Variants in ROBO1 observed in about 807,000 individuals in gnomAD.
The protein encoded by ROBO1 is roundabout homolog 1.
ROBO1 carries 149 observed loss-of-function variants against 195.9 expected under a neutral mutation model. The observed-to-expected ratio is 0.76, with a 90% CI of 0.67 to 0.87. The LOEUF (loss-of-function observed/expected upper bound fraction) is 0.87, where lower values mean the gene tolerates loss of function less well. Among genes scored for constraint, ROBO1 ranks in the 40% least tolerant of loss-of-function variants. The pLI is 0.00. For missense variants in ROBO1, 1,933 were observed against 2,068.3 expected (o/e 0.93, Z 1.27); for synonymous variants, 816 against 733.2 (o/e 1.11, Z -1.82).
At chr3:79,240,609 AT>A (rs1346736398) in intron 2 of ROBO1, among the ~76,000 whole-genome samples, 5 of 152,080 alleles carry the variant, frequency 3.3e-5, no homozygotes, top group African/African-American at 1.2e-4. Flanking sequence ...AAACATTTGT[AT>A]TGCTACCACT....
At position 78,917,166 on chromosome 3, in the gene ROBO1, G is replaced by A. The variant is rs754268485; in HGVS notation, c.499+21435C>T. 1.5e-4 allele frequency among the ~76,000 whole-genome samples: 20 copies of A among 137,156 alleles called. 1 individual carries two copies. Among genetic ancestry groups the A allele is most frequent in the East Asian group, 4.4e-4 (2 of 4,504 alleles). 90.0% of individuals were successfully genotyped at this position (137,156 alleles called of 152,430 possible). On this transcript the variant is annotated intron_variant, in intron 4 of 30. Transcript: ENST00000464233. Reference sequence around the variant, plus strand: ...GGCTGGAGTGCAGAGGCACAATCTCGGCTCATTGCAACCTCTGCCTCCCGG... The same window carrying A: ...GGCTGGAGTGCAGAGGCACAATCTCAGCTCATTGCAACCTCTGCCTCCCGG...
intron 2 of ROBO1, among the ~76,000 whole-genome samples, chr3:79,335,526 TC>T (rs2034630221): frequency 6.6e-6 from 1 of 152,200 alleles, no homozygotes; most frequent in African/African-American, 2.4e-5. Context: ...CTCTCACTTC[TC>T]TCTCCTACCA....
chr3:79,480,103 C>G (rs1025472368), intron 2 of ROBO1, among the ~76,000 whole-genome samples: 2 of 152,164 alleles, frequency 1.3e-5, no homozygotes, highest in African/African-American at 4.8e-5. Flanking sequence ...AACTGATCTT[C>G]ATAGTCAGTG....
At chr3:79,762,534 G>A (rs1427129940) in intron 1 of ROBO1, among the ~76,000 whole-genome samples, 1 of 149,592 alleles carries the variant, frequency 6.7e-6, no homozygotes, top group Non-Finnish European at 1.5e-5. Flanking sequence ...CAGAAGAAGT[G>A]ACACTTGTTT....
intron 10 of ROBO1, among the ~76,000 whole-genome samples, chr3:78,682,509 A>G (rs1315099555): frequency 6.8e-6 from 1 of 148,080 alleles, no homozygotes; most frequent in Non-Finnish European, 1.5e-5. Context: ...ATATGTATAT[A>G]TGACTGTGTA....
At chr3:79,180,938 T>C (rs2081330241) in intron 2 of ROBO1, among the ~76,000 whole-genome samples, 1 of 152,126 alleles carries the variant, frequency 6.6e-6, no homozygotes, top group African/African-American at 2.4e-5. Context: ...CATCCCGGGG[T>C]GTCCTATGGT....
rs1026569891 is a variant in ROBO1 at position 79,711,949 on chromosome 3, C to A, written c.-51+55803G>T. 2.0e-5 allele frequency among the ~76,000 whole-genome samples: 3 copies of A among 151,826 alleles called. No individual in the cohort carries two copies. The East Asian group carries it at 5.8e-4, about 29-fold the overall frequency. ...CGGGTGGGTGGGGGAGCACTATGAA[C>A]TTTGCCCGTATAGGACAGGAAGCTT... On this transcript the variant is annotated intron_variant, in intron 1 of 30. Coordinates refer to ENST00000464233, the MANE Select transcript of ROBO1 (RefSeq NM_002941.4).
At chr3:79,121,882 A>G (rs1231584178) in intron 3 of ROBO1, among the ~76,000 whole-genome samples, 1 of 152,046 alleles carries the variant, frequency 6.6e-6, no homozygotes, top group Non-Finnish European at 1.5e-5. Flanking sequence ...GTAGGATTTC[A>G]TTAGCACCCA....
intron 2 of ROBO1, among the ~76,000 whole-genome samples, chr3:79,357,666 G>A (rs1020301614): frequency 5.9e-5 from 9 of 152,048 alleles, no homozygotes; most frequent in Non-Finnish European, 1.0e-4. Flanking sequence ...GAATTTCCCT[G>A]AGGACAAGGT....
At chr3:79,421,947 C>T (rs958757635) in intron 2 of ROBO1, among the ~76,000 whole-genome samples, 4 of 151,722 alleles carry the variant, frequency 2.6e-5, no homozygotes, top group South Asian at 2.1e-4. Flanking sequence ...TATTTGTTCC[C>T]GAGTCCAAGT....
chr3:79,200,661 G>T (rs2081745895), intron 2 of ROBO1, among the ~76,000 whole-genome samples: 1 of 151,770 alleles, frequency 6.6e-6, no homozygotes, highest in Non-Finnish European at 1.5e-5. Context: ...ACACAAAAAT[G>T]TGGATGTGCA....
chr3:78,662,203 C>CAACTCTCAGTAAAG, intron 14 of ROBO1, 89 bp from the exon 15 acceptor site: 5 of 1,140,136 alleles, frequency 4.4e-6, no homozygotes, highest in Non-Finnish European at 6.0e-6. Flanking sequence ...TCATTCATAG[C>CAACTCTCAGTAAAG]AACTCTCAGT....
At chr3:79,569,769 T>C (rs1446519497) in intron 2 of ROBO1, among the ~76,000 whole-genome samples, 2 of 151,898 alleles carry the variant, frequency 1.3e-5, no homozygotes, top group Non-Finnish European at 2.9e-5. Context: ...CCTGAAGCTT[T>C]AGTTTACCAA....
chr3:79,445,887 C>A lies in ROBO1; in HGVS notation c.88+143937G>T, dbSNP rs528807339. Among the ~76,000 whole-genome samples the A allele has an allele frequency of 3.3e-5, 5 of 152,116 alleles. No individual in the cohort carries two copies. In the South Asian group the frequency reaches 8.3e-4, roughly 25 times the overall value. On this transcript the variant is annotated intron_variant, in intron 2 of 30. Transcript: ENST00000464233. ...CAGTATGGTCGCGATCTCCTGACCTCGTGATCTGCCCGCCTCAGCCTCCCA... is the reference window on the plus strand; with the variant it reads ...CAGTATGGTCGCGATCTCCTGACCTAGTGATCTGCCCGCCTCAGCCTCCCA...
At chr3:78,952,801 C>T (rs139999925) in intron 3 of ROBO1, among the ~76,000 whole-genome samples, 3 of 151,996 alleles carry the variant, frequency 2.0e-5, no homozygotes, top group African/African-American at 4.8e-5. Context: ...AATGCCATTT[C>T]GCTCAGCTAC....
intron 1 of ROBO1, among the ~76,000 whole-genome samples, chr3:79,750,739 C>T (rs1272287878): frequency 2.0e-5 from 3 of 152,160 alleles, no homozygotes; most frequent in African/African-American, 7.2e-5. Context: ...GAGGCTTCCC[C>T]AGTCATGTGG....
intron 3 of ROBO1, among the ~76,000 whole-genome samples, chr3:78,984,088 C>T (rs1323963606): frequency 6.6e-6 from 1 of 152,132 alleles, no homozygotes; most frequent in Admixed American, 6.6e-5. Context: ...AAAAAACTTA[C>T]ATTATCAAGG....
intron 24 of ROBO1, among the ~76,000 whole-genome samples, chr3:78,633,586 C>T (rs1356225181): frequency 6.6e-6 from 1 of 152,128 alleles, no homozygotes; most frequent in East Asian, 1.9e-4. Flanking sequence ...CAAATGGCAA[C>T]ATATTTAGCA....
intron 1 of ROBO1, among the ~76,000 whole-genome samples, chr3:79,681,151 G>T (rs147216297): frequency 1.2e-3 from 188 of 152,120 alleles, no homozygotes; most frequent in African/African-American, 4.4e-3. Flanking sequence ...CATTATGTAG[G>T]AGCTGATATT....
Sources: allele counts gnomAD v4.1 joint callset (sites outside exome capture counted in the v4.1 genomes callset), GRCh38; gene constraint gnomAD v4.1.1; transcripts MANE v1.5; gene names NCBI Gene and HGNC (gene_info 2026-07-23, HGNC 2026-07-21).